Variants in LPA observed in about 807,000 individuals in gnomAD.
The protein encoded by LPA is apolipoprotein(a).
In LPA, 199 loss-of-function variants were observed where a neutral mutation model predicts 197.9. The ratio of observed to expected loss-of-function variants is 1.01; its 90% confidence interval spans 0.90 to 1.13. The LOEUF (loss-of-function observed/expected upper bound fraction) is 1.13. Among genes scored for constraint, LPA ranks in the 50% most tolerant of loss-of-function variants. LPA has a pLI of 0.00. For synonymous variants in LPA, 715 were observed against 639.5 expected (o/e 1.12, Z -1.78); for missense variants, 1,853 against 1,785.8 (o/e 1.04, Z -0.68).
At chr6:160,583,014 G>A (rs931245415) in intron 26 of LPA, among the ~76,000 whole-genome samples, 2 of 151,672 alleles carry the variant, frequency 1.3e-5, no homozygotes, top group African/African-American at 2.4e-5. Context: ...TTTTTTTTCA[G>A]TTCTTGACTC....
chr6:160,576,172 T>G (rs1389917491), intron 28 of LPA, among the ~76,000 whole-genome samples: 2 of 151,642 alleles, frequency 1.3e-5, no homozygotes, highest in Non-Finnish European at 2.9e-5. Context: ...TACCTGCTTT[T>G]TGTCCATGTA....
rs371908482 is a variant in LPA at position 160,602,705 on chromosome 6, T to C, written c.2946-1607A>G. 2.3e-4 allele frequency among the ~76,000 whole-genome samples: 35 copies of C among 152,350 alleles called. 1 individual carries two copies. Among genetic ancestry groups the C allele is most frequent in the African/African-American group, 8.4e-4 (35 of 41,578 alleles). On this transcript the variant is annotated intron_variant, in intron 18 of 38. Transcript: ENST00000316300. ...AAATTATTAGTTTTTGGTTTATTTA[T>C]TTGGGGCAGTGCACAATATGCATTT...
In LPA at chr6:160,594,111, G is replaced by T; in HGVS notation, c.3476C>A (p.Thr1159Lys). ...ATCCTGGACCCCGGGGCTTTGCTCCGTTGGTGCTGAAATTCAAAGAGGAGA... is the reference window on the plus strand; with the variant it reads ...ATCCTGGACCCCGGGGCTTTGCTCCTTTGGTGCTGAAATTCAAAGAGGAGA... Reference protein sequence around the residue: ...STEASSEEAPTEQSPGVQDCY... With the variant: ...STEASSEEAPKEQSPGVQDCY... Residue 1159 changes from threonine to lysine, a missense_variant, in exon 22 of 39, where the codon ACG (threonine) becomes AAG (lysine). Thr to Lys is a moderately conservative substitution (Grantham distance 78). Transcript: ENST00000316300. The T allele has an allele frequency of 1.2e-6, 2 of 1,613,770 alleles. No homozygotes were observed. The highest frequency in any genetic ancestry group is 1.7e-6 in the Non-Finnish European group (2 of 1,179,786).
intron 28 of LPA, among the ~76,000 whole-genome samples, chr6:160,574,042 G>A (rs1463841642): frequency 6.6e-6 from 1 of 152,124 alleles, no homozygotes; most frequent in African/African-American, 2.4e-5. Flanking sequence ...GCGTGTCTGA[G>A]CTCAGACTTT....
At chr6:160,583,200 T>C (rs1325050942) in intron 26 of LPA, among the ~76,000 whole-genome samples, 1 of 151,498 alleles carries the variant, frequency 6.6e-6, no homozygotes. Context: ...ATTTTTCTCC[T>C]GGTTATGGGT....
chr6:160,535,206 TAATACA>T (rs1777869194), intron 37 of LPA, among the ~76,000 whole-genome samples: 1 of 143,436 alleles, frequency 7.0e-6, no homozygotes. Flanking sequence ...GTAGTAATGA[TAATACA>T]GATGAGGAAA....
chr6:160,584,170 TTTCTTCTTCTTCTTCTTCTTCTTC>T (rs56164694), intron 26 of LPA, among the ~76,000 whole-genome samples: 1,614 of 103,216 alleles, frequency 0.016, 21 homozygotes, highest in Non-Finnish European at 0.016. Context: ...TCATTTCTAT[TTTCTTCTTCTTCTTCTTCTTCTTC>T]TTCTTCTTCT....
At chr6:160,543,756 A>G (rs561686996) in intron 33 of LPA, among the ~76,000 whole-genome samples, 3 of 152,318 alleles carry the variant, frequency 2.0e-5, no homozygotes, top group Non-Finnish European at 1.5e-5. Flanking sequence ...GAATGTTTCT[A>G]TTTATTTTTA....
In LPA at chr6:160,594,258, C is replaced by T; in HGVS notation, c.3470-141G>A. The T allele has an allele frequency of 4.1e-6, 4 of 982,510 alleles. No homozygotes were observed. The South Asian group carries it at 4.7e-5, about 11-fold the overall frequency. The allele number at this position is 982,510 out of a possible 1,614,324, so 60.9% of individuals were successfully genotyped here. ...CTGTACTAGCAGGCAGATGGACATA[C>T]CAATAATAAAACCCAAAGATTCATA... On this transcript the variant is annotated intron_variant, in intron 21 of 38. Coordinates refer to ENST00000316300, the MANE Select transcript of LPA (RefSeq NM_005577.4).
At position 160,589,588 on chromosome 6, in the gene LPA, G is replaced by T; in HGVS notation, c.3912C>A (p.His1304Gln). ...TCQSWSSMTP[H>Q]WHQRTTEYYP... Reference sequence around the variant, plus strand: ...AGTATTCTGTGGTTCTCTGATGCCAGTGTGGTGTCATAGAGGACCAAGACT... The same window carrying T: ...AGTATTCTGTGGTTCTCTGATGCCATTGTGGTGTCATAGAGGACCAAGACT... The change falls in exon 24 of 39, where the codon CAC becomes CAA. Residue 1304 changes from histidine (H) to glutamine (Q), a missense_variant. This residue lies in a region of LPA where 1,737 missense variants were observed against 1,504.4 expected (regional missense o/e 1.15). Coordinates refer to ENST00000316300, the MANE Select transcript of LPA (RefSeq NM_005577.4). The T allele has an allele frequency of 1.9e-6, 3 of 1,613,938 alleles. No individual in the cohort carries two copies. The highest frequency in any genetic ancestry group is 2.5e-6 in the Non-Finnish European group (3 of 1,179,856).
chr6:160,576,394 A>ATATATACATATATATATATATATATGTG (rs1778672838), intron 28 of LPA, among the ~76,000 whole-genome samples: 18 of 53,770 alleles, frequency 3.3e-4, no homozygotes, highest in Admixed American at 9.2e-4. Flanking sequence ...ATATATGTAT[A>ATATATACATATATATATATATATATGTG]TATATATATA....
intron 28 of LPA, among the ~76,000 whole-genome samples, chr6:160,570,346 G>A (rs1778540733): frequency 1.3e-5 from 2 of 152,308 alleles, no homozygotes; most frequent in Middle Eastern, 3.4e-3. Flanking sequence ...GGATGTGGAT[G>A]AAGCTGGAAA....
At chr6:160,585,383 A>G (rs1032731154) in intron 25 of LPA, among the ~76,000 whole-genome samples, 178 bp from the exon 26 acceptor site, 1 of 152,206 alleles carries the variant, frequency 6.6e-6, no homozygotes, top group African/African-American at 2.4e-5. Flanking sequence ...TAGAAATTTA[A>G]TAAGTAGTCA....
chr6:160,633,112 AAAAT>A (rs1175008511), intron 8 of LPA, among the ~76,000 whole-genome samples: 118 of 119,390 alleles, frequency 9.9e-4, no homozygotes, highest in African/African-American at 3.4e-3. Context: ...GCTTGTGGCC[AAAAT>A]ATTGGCCATT....
intron 28 of LPA, among the ~76,000 whole-genome samples, chr6:160,576,340 G>GTGTA (rs1461584275): frequency 3.7e-4 from 15 of 40,416 alleles, no homozygotes; most frequent in Middle Eastern, 0.012. Flanking sequence ...GTGTGTGTGT[G>GTGTA]TATATATATA....
rs572855021 is a variant in LPA, at chr6:160,646,907, A to C, written c.210-512T>G. On this transcript the variant is annotated intron_variant, in intron 2 of 38. Transcript: ENST00000316300. The stretch of plus-strand genomic sequence containing the variant: ...TCAAGGAGGATAACCTTTCCAGGTC[A>C]ACTCTCACACTCCATGTACTCAAAA... 1.3e-4 allele frequency among the ~76,000 whole-genome samples: 20 copies of C among 151,844 alleles called. 1 individual carries two copies. In the East Asian group the frequency reaches 3.1e-3, roughly 23 times the overall value.
chr6:160,556,549 G>C (rs1338841703), intron 29 of LPA, among the ~76,000 whole-genome samples: 1 of 152,088 alleles, frequency 6.6e-6, no homozygotes, highest in Non-Finnish European at 1.5e-5. Context: ...TTGGCTGTCA[G>C]TAGGGGACAG....
chr6:160,602,987 T>G (rs1306921474), intron 18 of LPA, among the ~76,000 whole-genome samples: 1 of 134,892 alleles, frequency 7.4e-6, no homozygotes, highest in Non-Finnish European at 1.5e-5. Flanking sequence ...CAAAAGTGAA[T>G]CATACAGTTT....
At chr6:160,585,515 G>T (rs1304556075) in intron 25 of LPA, among the ~76,000 whole-genome samples, 2 of 152,064 alleles carry the variant, frequency 1.3e-5, no homozygotes, top group African/African-American at 4.8e-5. Context: ...CCTCTTCTGG[G>T]TGTTCATGAG....
Sources: gnomAD v4.1 joint callset for allele counts (sites outside exome capture counted in the v4.1 genomes callset) on GRCh38, gnomAD v4.1.1 for gene constraint, gnomAD v4.1.1 regional missense constraint, MANE v1.5 for transcripts, NCBI Gene and HGNC (gene_info 2026-07-23, HGNC 2026-07-21) for gene names.